EXOC4: variants seen among roughly 807,000 people sequenced by gnomAD.
EXOC4 encodes exocyst complex component 4.
Under a neutral mutation model 107.2 loss-of-function variants are expected in EXOC4, and 71 were observed. That is an observed-to-expected ratio of 0.66 (90% CI 0.55 to 0.81). EXOC4 has a LOEUF of 0.81. Ranked by LOEUF, EXOC4 falls within the 30% of genes least tolerant of loss-of-function variation. The probability of loss-of-function intolerance (pLI) is 0.00; values close to 1 mark genes in which losing one functional copy is unlikely to be tolerated. For missense variants in EXOC4, 1,108 were observed against 1,189.6 expected (o/e 0.93, Z 1.01); for synonymous variants, 456 against 441.2 (o/e 1.03, Z -0.42).
At chr7:133,622,035 T>G (rs1376779349) in intron 9 of EXOC4, among the ~76,000 whole-genome samples, 1 of 152,092 alleles carries the variant, frequency 6.6e-6, no homozygotes, top group Non-Finnish European at 1.5e-5. Flanking sequence ...GGAGCAGTGG[T>G]GCACTCATGG....
At chr7:134,075,153 C>A in the EXOC4 span, among the ~76,000 whole-genome samples, 1 of 152,184 alleles carries the variant, frequency 6.6e-6, no homozygotes, top group Admixed American at 6.5e-5. Flanking sequence ...TTTTTTCTTA[C>A]CTTGCTGGCA....
chr7:134,010,207 A>G (rs1355334552), intron 17 of EXOC4: 1 of 152,168 alleles, frequency 6.6e-6, no homozygotes, highest in Non-Finnish European at 1.5e-5. Flanking sequence ...TACCAAAGTA[A>G]GTGTTAATTG....
At chr7:133,487,435 A>C (rs1363263586) in intron 9 of EXOC4, among the ~76,000 whole-genome samples, 1 of 152,178 alleles carries the variant, frequency 6.6e-6, no homozygotes, top group Non-Finnish European at 1.5e-5. Context: ...ATGGCTGCGC[A>C]TGGTGGCTCA....
At chr7:133,713,054 A>G (rs972697240) in intron 10 of EXOC4, among the ~76,000 whole-genome samples, 5 of 152,192 alleles carry the variant, frequency 3.3e-5, no homozygotes, top group Admixed American at 3.3e-4. Flanking sequence ...CAAAATATTT[A>G]TTGTACTAGG....
At chr7:133,484,140 A>T in intron 9 of EXOC4, 1 of 1,609,208 alleles carries the variant, frequency 6.2e-7, no homozygotes, top group Non-Finnish European at 8.5e-7. Context: ...AATTTATCAT[A>T]CAATTAGAAA....
chr7:133,801,206 C>T (rs1396225157), intron 10 of EXOC4, among the ~76,000 whole-genome samples: 8 of 152,152 alleles, frequency 5.3e-5, no homozygotes, highest in Non-Finnish European at 1.2e-4. Flanking sequence ...CAACCCTCAA[C>T]TTTTAATTCA....
chr7:133,335,122 A>T (rs1285860637), intron 5 of EXOC4, among the ~76,000 whole-genome samples: 6 of 152,214 alleles, frequency 3.9e-5, no homozygotes, highest in Admixed American at 3.9e-4. Flanking sequence ...GTGTATCGTT[A>T]AATTTCTAGA....
intron 10 of EXOC4, among the ~76,000 whole-genome samples, chr7:133,735,046 TAAA>T (rs3076789): frequency 6.3e-5 from 6 of 94,708 alleles, no homozygotes; most frequent in Middle Eastern, 5.2e-3. Flanking sequence ...CCGTCTCTGC[TAAA>T]AAAAAAAAAA....
chr7:133,637,460 T>G (rs1802739955), intron 10 of EXOC4, among the ~76,000 whole-genome samples: 1 of 152,184 alleles, frequency 6.6e-6, no homozygotes, highest in African/African-American at 2.4e-5. Context: ...TTTATACAGA[T>G]GCATGTTTGT....
At chr7:133,867,494 G>A (rs1359400254) in intron 11 of EXOC4, among the ~76,000 whole-genome samples, 1 of 152,152 alleles carries the variant, frequency 6.6e-6, no homozygotes, top group Non-Finnish European at 1.5e-5. Context: ...GGATTTTTAG[G>A]GGGGCATTTC....
At chr7:133,981,793 T>C (rs888845833) in intron 14 of EXOC4, among the ~76,000 whole-genome samples, 8 of 152,116 alleles carry the variant, frequency 5.3e-5, no homozygotes, top group Admixed American at 3.9e-4. Context: ...TAAAGACATA[T>C]ATATGTATGC....
chr7:134,000,721 C>T (rs1240286371), intron 15 of EXOC4, among the ~76,000 whole-genome samples: 1 of 152,248 alleles, frequency 6.6e-6, no homozygotes, highest in Admixed American at 6.5e-5. Flanking sequence ...AGAATTAGAA[C>T]GTAGGCCCGG....
rs1793957839 is a variant in EXOC4, at chr7:133,275,085, C to G, written c.190C>G (p.Gln64Glu). ...CCGTGACCTGGATGAATTGATTGTA[C>G]AGCACTACACAGAATTGACGACAGC... ...CDRDLDELIV[Q>E]HYTELTTAIR... is the part of the protein sequence containing the mutation. Residue 64 changes from glutamine to glutamate, a missense_variant, in exon 2 of 18, where the codon CAG becomes GAG. Coordinates refer to ENST00000253861, the MANE Select transcript of EXOC4 (RefSeq NM_021807.4). 2 of 1,613,818 alleles carry G rather than the reference C, an allele frequency of 1.2e-6. No homozygotes were observed. Among genetic ancestry groups the G allele is most frequent in the Non-Finnish European group, 8.5e-7 (1 of 1,179,776 alleles).
chr7:133,513,900 G>A (rs763317490), intron 9 of EXOC4, among the ~76,000 whole-genome samples: 37 of 152,078 alleles, frequency 2.4e-4, no homozygotes, highest in Non-Finnish European at 4.6e-4. Flanking sequence ...CCAATTTGCC[G>A]GACAGTAATT....
At chr7:133,664,996 G>A (rs1793779872) in intron 10 of EXOC4, among the ~76,000 whole-genome samples, 1 of 152,172 alleles carries the variant, frequency 6.6e-6, no homozygotes, top group Non-Finnish European at 1.5e-5. Context: ...TTTTACAGTG[G>A]TGGGGGAATC....
intron 9 of EXOC4, among the ~76,000 whole-genome samples, chr7:133,505,208 T>C (rs967929181): frequency 7.9e-5 from 12 of 152,128 alleles, no homozygotes; most frequent in African/African-American, 2.9e-4. Context: ...TTAAGGTTTA[T>C]AGTGTGAATA....
At chr7:133,392,561 C>T (rs1483576090) in intron 7 of EXOC4, among the ~76,000 whole-genome samples, 1 of 151,998 alleles carries the variant, frequency 6.6e-6, no homozygotes, top group Non-Finnish European at 1.5e-5. Flanking sequence ...GTTTTATTTT[C>T]CCCTCTTCCC....
chr7:133,977,694 T>C (rs1269094709), intron 14 of EXOC4, among the ~76,000 whole-genome samples: 1 of 151,910 alleles, frequency 6.6e-6, no homozygotes, highest in Non-Finnish European at 1.5e-5. Flanking sequence ...TTTATTTGTT[T>C]GTTTTTGTGT....
chr7:133,336,993 A>G (rs1476524553), intron 5 of EXOC4, among the ~76,000 whole-genome samples: 2 of 152,078 alleles, frequency 1.3e-5, no homozygotes, highest in Non-Finnish European at 2.9e-5. Flanking sequence ...TCAGCCTCCC[A>G]AAGTGTTGGG....
Sources: allele counts gnomAD v4.1 joint callset (sites outside exome capture counted in the v4.1 genomes callset), GRCh38; gene constraint gnomAD v4.1.1; transcripts MANE v1.5; gene names NCBI Gene and HGNC (gene_info 2026-07-23, HGNC 2026-07-21).